The following USP40 variants were observed in gnomAD, a reference collection of about 807,000 sequenced individuals.
USP40 encodes ubiquitin specific peptidase 40.
Under a neutral mutation model 166.2 loss-of-function variants are expected in USP40, and 143 were observed. The ratio of observed to expected loss-of-function variants is 0.86; its 90% CI spans 0.75 to 0.99. USP40 has a LOEUF of 0.99. USP40 is among the 50% of genes least tolerant of loss of function. The pLI, the probability that USP40 is intolerant of heterozygous loss-of-function variation, is 0.00. For missense variants in USP40, 1,444 were observed against 1,479.7 expected, an observed-to-expected ratio of 0.98 and a Z score of 0.40; for synonymous variants, 498 against 524.0, an observed-to-expected ratio of 0.95 and a Z score of 0.68.
At position 233,565,284 on chromosome 2, in the gene USP40, G is replaced by C. The variant is rs1212528601; in HGVS notation, c.199+72C>G. 2.6e-6 allele frequency: 3 copies of C among 1,166,000 alleles called. No homozygotes were observed. The East Asian group carries it at 7.7e-5, about 30-fold the overall frequency. The allele number at this position is 1,166,000 out of a possible 1,614,324, so 72.2% of individuals were successfully genotyped here. On this transcript the variant is annotated intron_variant, in intron 2 of 31. Coordinates refer to ENST00000678225, the MANE Select transcript of USP40 (RefSeq NM_001365479.2). ...TCTTTAAGATAATTGGTCTATTTGT[G>C]ATTTTGCATAATTAATTACATGTAA...
At chr2:233,530,748 ATTGC>A (rs769680626) in intron 11 of USP40, among the ~76,000 whole-genome samples, 5 of 152,116 alleles carry the variant, frequency 3.3e-5, no homozygotes, top group Non-Finnish European at 7.4e-5. Flanking sequence ...CTTTTTGTAA[ATTGC>A]TTATTTATAT....
chr2:233,523,052 G>A, intron 16 of USP40, 118 bp downstream of exon 16: 1 of 1,121,874 alleles, frequency 8.9e-7, no homozygotes, highest in Non-Finnish European at 1.3e-6. Flanking sequence ...AGAACATAAT[G>A]TCTAGAAATA....
In USP40 at chr2:233,499,836, T is replaced by TA. The variant is rs775547795; in HGVS notation, c.2650+42dup. The TA allele has an allele frequency of 2.2e-5, 35 of 1,575,488 alleles. No homozygotes were observed. In the Middle Eastern group the frequency reaches 5.3e-4, roughly 24 times the overall value. ...AGAAAAAAAAAGTCAAAAAAATTTT[T>TA]ATTAGGCTTTTAAGTAATATGTCAT... On this transcript the variant is annotated intron_variant, in intron 22 of 31. Transcript: ENST00000678225.
Position 233,477,266 on chromosome 2 carries a change from T to G in USP40, c.*126A>C. The stretch of plus-strand genomic sequence containing the variant: ...GGCCAGGCCTCAGAGGAGCCGTCCC[T>G]GTGCTCAAAGGAAGCAGAGGATTTG... On this transcript the variant is annotated 3_prime_UTR_variant, in exon 32 of 32. Coordinates refer to ENST00000678225, the MANE Select transcript of USP40 (RefSeq NM_001365479.2). 1 of 878,902 alleles carries G rather than the reference T, an allele frequency of 1.1e-6. No homozygotes were observed. 54.4% of individuals were successfully genotyped at this position (878,902 alleles called of 1,614,324 possible). A position where few individuals can be genotyped will look rare whatever the true frequency, so the allele number is the denominator to read the frequency against.
chr2:233,484,156 TCAA>T (rs891683519), intron 30 of USP40, among the ~76,000 whole-genome samples: 6 of 152,306 alleles, frequency 3.9e-5, no homozygotes, highest in African/African-American at 9.6e-5. Context: ...AGATACTGTC[TCAA>T]CAACAACAAC....
intron 10 of USP40, among the ~76,000 whole-genome samples, chr2:233,534,630 G>A (rs1407021828): frequency 6.6e-6 from 1 of 152,058 alleles, no homozygotes; most frequent in Admixed American, 6.6e-5. Context: ...AAGAGTGTAG[G>A]GCATAACCCA....
intron 18 of USP40, among the ~76,000 whole-genome samples, chr2:233,516,765 G>A (rs992803618): frequency 4.0e-5 from 6 of 151,310 alleles, no homozygotes; most frequent in Admixed American, 2.6e-4. Context: ...GCTGAGGCAA[G>A]AGAATCGCTT....
chr2:233,490,163 T>G (rs1317529846), intron 26 of USP40, among the ~76,000 whole-genome samples: 3 of 127,182 alleles, frequency 2.4e-5, no homozygotes, highest in Non-Finnish European at 4.8e-5. Context: ...TTTTCTCCTT[T>G]TTTTTTTTTT....
At chr2:233,519,582 C>A (rs1162991324) in intron 18 of USP40, 32 bp downstream of exon 18, 8 of 1,389,940 alleles carry the variant, frequency 5.8e-6, no homozygotes, top group African/African-American at 2.9e-5. Flanking sequence ...TTAAGCTAAA[C>A]TAAGAACCGA....
intron 9 of USP40, 50 bp from the exon 10 acceptor site, chr2:233,540,819 C>T: frequency 7.7e-7 from 1 of 1,303,844 alleles, no homozygotes; most frequent in Non-Finnish European, 1.1e-6. Context: ...GAAATAATTG[C>T]ATACTTAACA....
At chr2:233,537,904 T>C (rs2069051434) in intron 10 of USP40, among the ~76,000 whole-genome samples, 1 of 152,190 alleles carries the variant, frequency 6.6e-6, no homozygotes, top group Non-Finnish European at 1.5e-5. Flanking sequence ...CGAAACACTA[T>C]TCTTTCCTTA....
At chr2:233,533,995 G>T (rs1362267372) in intron 10 of USP40, among the ~76,000 whole-genome samples, 1 of 152,132 alleles carries the variant, frequency 6.6e-6, no homozygotes, top group Non-Finnish European at 1.5e-5. Flanking sequence ...ATCCAGGGAG[G>T]AGGTCGCTAT....
At chr2:233,513,597 T>G (rs1032792703) in intron 18 of USP40, among the ~76,000 whole-genome samples, 1 of 152,184 alleles carries the variant, frequency 6.6e-6, no homozygotes, top group Non-Finnish European at 1.5e-5. Flanking sequence ...ATTTTAACCA[T>G]CTTGCTGGGG....
chr2:233,533,593 TTA>T lies in USP40; in HGVS notation c.1355_1356del (p.Ile452LysfsTer2). 6.2e-7 allele frequency: 1 copy of T among 1,613,878 alleles called. No individual in the cohort carries two copies. The highest frequency in any genetic ancestry group is 8.5e-7 in the Non-Finnish European group (1 of 1,179,830). On this transcript the variant is annotated frameshift_variant, in exon 11 of 32. Transcript: ENST00000678225. LOFTEE classifies it high-confidence loss of function. ...CTGATTGGCTGGACTTTAGAATCAT[TTA>T]TATCAAACCAGTGGGGACAGGAGAT... ...NSISCPHWFDINDSKVQPIRE... is the reference protein window; with the variant it reads ...NSISCPHWFDXNDSKVQPIRE...
At chr2:233,489,773 G>C in intron 26 of USP40, 1 of 280,162 alleles carries the variant, frequency 3.6e-6, no homozygotes, top group Non-Finnish European at 6.7e-6. Flanking sequence ...TTTAAAAAAT[G>C]AAACTTTGGA....
chr2:233,489,319 C>G (rs181815448), intron 27 of USP40, 46 bp downstream of exon 27: 1 of 1,504,934 alleles, frequency 6.6e-7, no homozygotes, highest in Non-Finnish European at 9.1e-7. Flanking sequence ...CCAGCCAGTG[C>G]GTCAGCAGCA....
In USP40 at chr2:233,549,134, T is replaced by A; in HGVS notation, c.933A>T (p.Lys311Asn). The A allele has an allele frequency of 6.2e-7, 1 of 1,602,992 alleles. No individual in the cohort carries two copies. The highest frequency in any genetic ancestry group is 2.2e-5 in the East Asian group (1 of 44,624). ...CYGGHYHVYI[K>N]DVDHLGNWQF... The stretch of plus-strand genomic sequence containing the variant: ...GCCAGTTTCCCAAATGATCAACATC[T>A]TTAATATATACATGGTAATGGCCTC... The change falls in exon 8 of 32, where the codon AAA (lysine) becomes AAT (asparagine). Residue 311 changes from lysine to asparagine, a missense_variant. Transcript: ENST00000678225.
At chr2:233,504,080 C>T (rs543731290) in intron 21 of USP40, among the ~76,000 whole-genome samples, 3 of 152,050 alleles carry the variant, frequency 2.0e-5, no homozygotes, top group African/African-American at 7.2e-5. Flanking sequence ...TTGGATACAG[C>T]TTAAAATAGT....
chr2:233,509,870 TG>T (rs375114020), intron 21 of USP40, among the ~76,000 whole-genome samples, 178 bp downstream of exon 21: 150 of 148,840 alleles, frequency 1.0e-3, no homozygotes, highest in Middle Eastern at 3.6e-3. Context: ...AAAATCCAGT[TG>T]GTTCACCAAT....
Sources: gnomAD v4.1 joint callset for allele counts (sites outside exome capture counted in the v4.1 genomes callset) on GRCh38, gnomAD v4.1.1 for gene constraint, MANE v1.5 for transcripts, NCBI Gene and HGNC (gene_info 2026-07-23, HGNC 2026-07-21) for gene names.